Variants in CDH23 observed in about 807,000 individuals in gnomAD.
The protein encoded by CDH23 is cadherin-23.
Under a neutral mutation model 317.1 loss-of-function variants are expected in CDH23, and 189 were observed. The ratio of observed to expected loss-of-function variants is 0.60; its 90% confidence interval spans 0.53 to 0.67. CDH23 has a LOEUF of 0.67. CDH23 is among the 30% of genes least tolerant of loss of function. CDH23 has a pLI of 0.00. For missense variants in CDH23, 4,401 were observed against 4,592.4 expected (o/e 0.96, Z 1.20); for synonymous variants, 1,839 against 1,876.8 (o/e 0.98, Z 0.52).
intron 4 of CDH23, 78 bp from the exon 5 acceptor site, chr10:71,510,876 C>A: frequency 7.0e-7 from 1 of 1,419,394 alleles, no homozygotes; most frequent in Non-Finnish European, 1.0e-6. Context: ...TGGAGCCCCT[C>A]CCGCCCCATT....
At chr10:71,422,401 G>T (rs764255226) in intron 1 of CDH23, among the ~76,000 whole-genome samples, 49 of 152,204 alleles carry the variant, frequency 3.2e-4, no homozygotes, top group Non-Finnish European at 6.0e-4. Context: ...TTCTTCATCT[G>T]CAAAGTGGGT....
At chr10:71,804,088 T>C (rs1211517005) in intron 55 of CDH23, among the ~76,000 whole-genome samples, 1 of 152,146 alleles carries the variant, frequency 6.6e-6, no homozygotes, top group African/African-American at 2.4e-5. Flanking sequence ...TGTACGTCTA[T>C]TTTTTCCTCT....
At chr10:71,801,578 G>C (rs1266723747) in intron 53 of CDH23, among the ~76,000 whole-genome samples, 1 of 151,998 alleles carries the variant, frequency 6.6e-6, no homozygotes, top group Admixed American at 6.6e-5. Context: ...CCTTTTCTAT[G>C]CAAAGTCCCA....
At chr10:71,570,273 T>A (rs1285626091) in intron 7 of CDH23, among the ~76,000 whole-genome samples, 1 of 152,156 alleles carries the variant, frequency 6.6e-6, no homozygotes, top group East Asian at 1.9e-4. Context: ...AGGTGCCAGA[T>A]TAATCCCCTC....
At chr10:71,574,382 G>A (rs970098369) in intron 8 of CDH23, among the ~76,000 whole-genome samples, 1 of 152,166 alleles carries the variant, frequency 6.6e-6, no homozygotes, top group South Asian at 2.1e-4. Flanking sequence ...TGAAAAGAGC[G>A]GATAAACTGC....
intron 3 of CDH23, among the ~76,000 whole-genome samples, chr10:71,494,322 G>A (rs752479793): frequency 2.0e-5 from 3 of 152,136 alleles, no homozygotes; most frequent in East Asian, 1.9e-4. Context: ...CCTGCTTTTT[G>A]TCTATGTCTT....
At chr10:71,814,057 C>T (rs1037719058) in intron 69 of CDH23, among the ~76,000 whole-genome samples, 53 of 152,200 alleles carry the variant, frequency 3.5e-4, no homozygotes, top group Non-Finnish European at 4.9e-4. Context: ...ATAAGCTAGT[C>T]GAATAGCCTC....
chr10:71,808,125 G>A (rs879153457), intron 60 of CDH23, 118 bp downstream of exon 60: 25 of 1,228,664 alleles, frequency 2.0e-5, no homozygotes, highest in Non-Finnish European at 2.7e-5. Flanking sequence ...TGGCCCCCCA[G>A]CCAGCCACAC....
intron 46 of CDH23, chr10:71,790,702 G>A: frequency 2.0e-6 from 1 of 495,356 alleles, no homozygotes; most frequent in Non-Finnish European, 3.7e-6. Context: ...CCATGCGCAG[G>A]CCAGAGGCTC....
At chr10:71,545,581 C>G (rs571067046) in intron 6 of CDH23, among the ~76,000 whole-genome samples, 71 of 152,316 alleles carry the variant, frequency 4.7e-4, no homozygotes, top group South Asian at 2.3e-3. Flanking sequence ...ATTCAAGAAA[C>G]AGTTCTTCAG....
chr10:71,651,961 CT>C (rs1040282889), intron 14 of CDH23, among the ~76,000 whole-genome samples: 13 of 152,226 alleles, frequency 8.5e-5, no homozygotes, highest in African/African-American at 2.7e-4. Flanking sequence ...GGCAGCCCCC[CT>C]GGCGCAGGGC....
At chr10:71,451,479 T>G (rs910598351) in intron 3 of CDH23, among the ~76,000 whole-genome samples, 3 of 152,206 alleles carry the variant, frequency 2.0e-5, no homozygotes, top group Non-Finnish European at 4.4e-5. Flanking sequence ...ACTTCATCTG[T>G]GCTGGTCTCC....
At chr10:71,588,316 A>G (rs1859225738) in intron 9 of CDH23, among the ~76,000 whole-genome samples, 1 of 152,036 alleles carries the variant, frequency 6.6e-6, no homozygotes, top group Non-Finnish European at 1.5e-5. Context: ...CTTCATCACA[A>G]TCCCTTCCCA....
chr10:71,667,359 A>AGAGAGAGAGTGTGGGTGTGT (rs58361666), intron 14 of CDH23, among the ~76,000 whole-genome samples: 1 of 112,080 alleles, frequency 8.9e-6, no homozygotes, highest in Non-Finnish European at 1.7e-5. Flanking sequence ...AGAGAGAGAG[A>AGAGAGAGAGTGTGGGTGTGT]GTGTGTGTGT....
At chr10:71,445,873 G>A (rs949899430) in intron 2 of CDH23, among the ~76,000 whole-genome samples, 8 of 146,030 alleles carry the variant, frequency 5.5e-5, no homozygotes, top group Non-Finnish European at 1.2e-4. Flanking sequence ...AAAAAAATCG[G>A]CAAATTAAAA....
At position 71,626,955 on chromosome 10, in the gene CDH23, G is replaced by A. The variant is rs908402717; in HGVS notation, c.1134+9562G>A. 6.6e-5 allele frequency among the ~76,000 whole-genome samples: 10 copies of A among 152,276 alleles called. No individual in the cohort carries two copies. The East Asian group carries it at 1.9e-3, about 29-fold the overall frequency. On this transcript the variant is annotated intron_variant, in intron 11 of 69. Coordinates refer to ENST00000224721, the MANE Select transcript of CDH23 (RefSeq NM_022124.6). Reference sequence around the variant, plus strand: ...CAAGGCAAGGCATGCAGAGAAGTGGGGGTCTTCATTGCCTCGCCCCATGCC... The same window carrying A: ...CAAGGCAAGGCATGCAGAGAAGTGGAGGTCTTCATTGCCTCGCCCCATGCC...
intron 14 of CDH23, among the ~76,000 whole-genome samples, chr10:71,671,693 G>A (rs574243216): frequency 6.6e-6 from 1 of 152,228 alleles, no homozygotes; most frequent in South Asian, 2.1e-4. Flanking sequence ...AGCAGCCACA[G>A]TGGGTCCTCT....
At chr10:71,762,520 G>T (rs1050199432) in intron 38 of CDH23, among the ~76,000 whole-genome samples, 17 of 152,380 alleles carry the variant, frequency 1.1e-4, no homozygotes, top group African/African-American at 4.1e-4. Context: ...GCCAGGTGCT[G>T]CATCTCACCT....
At chr10:71,453,934 G>C (rs1013378031) in intron 3 of CDH23, among the ~76,000 whole-genome samples, 1 of 151,758 alleles carries the variant, frequency 6.6e-6, no homozygotes, top group Non-Finnish European at 1.5e-5. Flanking sequence ...TCAGCTCTAC[G>C]AAAAAAAATA....
Sources: gnomAD v4.1 joint callset for allele counts (sites outside exome capture counted in the v4.1 genomes callset) on GRCh38, gnomAD v4.1.1 for gene constraint, MANE v1.5 for transcripts, NCBI Gene and HGNC (gene_info 2026-07-23, HGNC 2026-07-21) for gene names.